The following NCKIPSD variants were observed in gnomAD, a reference collection of about 807,000 sequenced individuals.
NCKIPSD encodes NCK interacting protein with SH3 domain.
Under a neutral mutation model 73.4 loss-of-function variants are expected in NCKIPSD, and 48 were observed. That is an observed-to-expected ratio of 0.65 (90% CI 0.52 to 0.83). NCKIPSD has a LOEUF of 0.83. Among genes scored for constraint, NCKIPSD ranks in the 40% least tolerant of loss-of-function variants. NCKIPSD has a pLI of 0.00. For synonymous variants in NCKIPSD, 422 were observed against 403.6 expected (o/e 1.05, Z -0.54); for missense variants, 884 against 970.2 (o/e 0.91, Z 1.18).
chr3:48,683,503 G>A (rs901967932), intron 1 of NCKIPSD, among the ~76,000 whole-genome samples: 21 of 152,278 alleles, frequency 1.4e-4, no homozygotes, highest in African/African-American at 5.1e-4. Context: ...GTCCTTGTAA[G>A]GGCCCTCTGT....
rs1219406782 is a variant in NCKIPSD, at chr3:48,674,655, T to C, written c.2058A>G (p.Ile686Met). Residue 686 changes from isoleucine (I) to methionine (M), a missense_variant, in exon 13 of 13, where the codon ATA (isoleucine) becomes ATG (methionine). Ile to Met is a conservative substitution (Grantham distance 10). Transcript: ENST00000294129. The part of the protein sequence containing the change: ...HRHRLPDLQA[I>M]LRRILNEEET... ...CCTCCTCATTCAGGATGCGTCGCAG[T>C]ATGGCCTGCAGGTCGGGTAGCCGGT... 1 of 1,613,962 alleles carries C rather than the reference T, an allele frequency of 6.2e-7. No homozygotes were observed. The highest frequency in any genetic ancestry group is 1.1e-5 in the South Asian group (1 of 91,036).
chr3:48,682,020 A>C (rs34096717), intron 4 of NCKIPSD, 25 bp downstream of exon 4: 176,093 of 1,593,046 alleles, frequency 0.11, 10,171 homozygotes, highest in African/African-American at 0.19. Context: ...CCTCCACCTG[A>C]ATTCCCCTAA....
Position 48,674,352 on chromosome 3 carries a change from A to C in NCKIPSD, c.*192T>G. Reference sequence around the variant, plus strand: ...GCTTGCATATTCCCCCTGCCCCAGAACAGCTCCCAGACCATGGTCCCCAAT... The same window carrying C: ...GCTTGCATATTCCCCCTGCCCCAGACCAGCTCCCAGACCATGGTCCCCAAT... On this transcript the variant is annotated 3_prime_UTR_variant, in exon 13 of 13. Coordinates refer to ENST00000294129, the MANE Select transcript of NCKIPSD (RefSeq NM_016453.4). 1 of 1,432,680 alleles carries C rather than the reference A, an allele frequency of 7.0e-7. No homozygotes were observed. The highest frequency in any genetic ancestry group is 9.1e-7 in the Non-Finnish European group (1 of 1,096,628). 88.7% of individuals were successfully genotyped at this position (1,432,680 alleles called of 1,614,324 possible). A position where few individuals can be genotyped will look rare whatever the true frequency, so the allele number is the denominator to read the frequency against.
At position 48,674,410 on chromosome 3, in the gene NCKIPSD, C is replaced by G; in HGVS notation, c.*134G>C. On this transcript the variant is annotated 3_prime_UTR_variant, in exon 13 of 13. Coordinates refer to ENST00000294129, the MANE Select transcript of NCKIPSD (RefSeq NM_016453.4). The stretch of plus-strand genomic sequence containing the variant: ...TTGGCCCCTCTCTTAAGTTCTACTT[C>G]AGGTGGGGGTCCTGCTCAGGTTCCT... 1 of 1,464,748 alleles carries G rather than the reference C, an allele frequency of 6.8e-7. No homozygotes were observed. Among genetic ancestry groups the G allele is most frequent in the Non-Finnish European group, 9.0e-7 (1 of 1,109,112 alleles). 90.7% of individuals were successfully genotyped at this position (1,464,748 alleles called of 1,614,324 possible).
Position 48,678,976 on chromosome 3 carries a change from A to G in NCKIPSD, c.1700-7T>C, listed in dbSNP as rs1352671369. ...ATGACATTCTGGTCAGCAGCTAAGG[A>G]AGGACATGGGTATAGACAGGGTGCT... On this transcript the variant is annotated splice_region_variant and splice_polypyrimidine_tract_variant and intron_variant, in intron 10 of 12. Coordinates refer to ENST00000294129, the MANE Select transcript of NCKIPSD (RefSeq NM_016453.4). 6.2e-7 allele frequency: 1 copy of G among 1,614,086 alleles called. No individual in the cohort carries two copies. The highest frequency in any genetic ancestry group is 8.5e-7 in the Non-Finnish European group (1 of 1,180,024).
intron 1 of NCKIPSD, 33 bp downstream of exon 1, chr3:48,685,604 G>C (rs751076210): frequency 1.3e-6 from 2 of 1,505,952 alleles, no homozygotes; most frequent in Admixed American, 4.2e-5. Context: ...TGCCCCAGGG[G>C]CGCGGAGGCC....
Position 48,683,027 on chromosome 3 carries a change from G to A in NCKIPSD, c.172-15C>T. On this transcript the variant is annotated splice_polypyrimidine_tract_variant and intron_variant, in intron 1 of 12. Coordinates refer to ENST00000294129, the MANE Select transcript of NCKIPSD (RefSeq NM_016453.4). ...TGCTCCAGGCCCTGGGGGGGGCAGG[G>A]GACAGCAGTTAGACCTGAAGGCCAA... 1 of 1,549,010 alleles carries A rather than the reference G, an allele frequency of 6.5e-7. No homozygotes were observed. Among genetic ancestry groups the A allele is most frequent in the Non-Finnish European group, 8.7e-7 (1 of 1,146,918 alleles).
rs2077297321 is a variant in NCKIPSD, at chr3:48,678,742, A to G, written c.1793-6T>C. On this transcript the variant is annotated splice_region_variant and splice_polypyrimidine_tract_variant and intron_variant, in intron 11 of 12. Transcript: ENST00000294129. The stretch of plus-strand genomic sequence containing the variant: ...GAAGATGCGCACAGGGTCATCTAGG[A>G]GGCAGGGGTCATAGCGGTCAGGGTG... 1 of 1,612,876 alleles carries G rather than the reference A, an allele frequency of 6.2e-7. No individual in the cohort carries two copies. The highest frequency in any genetic ancestry group is 8.5e-7 in the Non-Finnish European group (1 of 1,179,388).
chr3:48,681,832 C>G (rs180770191), intron 4 of NCKIPSD, 52 bp from the exon 5 acceptor site: 20 of 1,457,998 alleles, frequency 1.4e-5, no homozygotes, highest in Non-Finnish European at 1.7e-5. Flanking sequence ...GAAAACCATA[C>G]CCTTCACAGC....
rs1301416988 is a variant in NCKIPSD at position 48,674,056 on chromosome 3, A to G, written c.*488T>C. On this transcript the variant is annotated 3_prime_UTR_variant, in exon 13 of 13. Coordinates refer to ENST00000294129, the MANE Select transcript of NCKIPSD (RefSeq NM_016453.4). ...CTTGGCCAAGGCCTCTGGGGGTAGG[A>G]GTGAAGGGCAGCGACCCCCATGTGC... The G allele has an allele frequency of 2.8e-6, 3 of 1,075,572 alleles. No homozygotes were observed. Among genetic ancestry groups the G allele is most frequent in the Non-Finnish European group, 3.4e-6 (3 of 884,924 alleles). 66.6% of individuals were successfully genotyped at this position (1,075,572 alleles called of 1,614,324 possible). A position where few individuals can be genotyped will look rare whatever the true frequency, so the allele number is the denominator to read the frequency against.
At chr3:48,675,291 G>T (rs1411865110) in intron 12 of NCKIPSD, among the ~76,000 whole-genome samples, 1 of 151,818 alleles carries the variant, frequency 6.6e-6, no homozygotes, top group Non-Finnish European at 1.5e-5. Flanking sequence ...CCTTTAGAAA[G>T]AGCACTGTTG....
In NCKIPSD at chr3:48,674,273, G is replaced by A. The variant is rs374409003; in HGVS notation, c.*271C>T. 7.6e-5 allele frequency: 101 copies of A among 1,336,728 alleles called. 1 individual carries two copies. The South Asian group carries it at 1.5e-3, about 19-fold the overall frequency. 82.8% of individuals were successfully genotyped at this position (1,336,728 alleles called of 1,614,324 possible). A position where few individuals can be genotyped will look rare whatever the true frequency, so the allele number is the denominator to read the frequency against. Reference sequence around the variant, plus strand: ...CTCTGAGTGTACACATGGGTGTGGGGTGAAGAGGGGGGCATGCTGAAGAGG... The same window carrying A: ...CTCTGAGTGTACACATGGGTGTGGGATGAAGAGGGGGGCATGCTGAAGAGG... On this transcript the variant is annotated 3_prime_UTR_variant, in exon 13 of 13. Transcript: ENST00000294129.
chr3:48,683,981 C>CAG lies in NCKIPSD; in HGVS notation c.172-970_172-969insCT, dbSNP rs776325570. 5.4e-3 allele frequency among the ~76,000 whole-genome samples: 643 copies of CAG among 119,254 alleles called. 5 individuals carry two copies. Among genetic ancestry groups the CAG allele is most frequent in the African/African-American group, 0.02 (581 of 28,754 alleles). 78.2% of individuals were successfully genotyped at this position (119,254 alleles called of 152,430 possible). ...ACAGGGGGATAGAAAGACATGAAGA[C>CAG]ACACACACACACACACACACACACA... On this transcript the variant is annotated intron_variant, in intron 1 of 12. Coordinates refer to ENST00000294129, the MANE Select transcript of NCKIPSD (RefSeq NM_016453.4).
intron 12 of NCKIPSD, among the ~76,000 whole-genome samples, chr3:48,675,540 T>C (rs2106742995): frequency 7.0e-6 from 1 of 142,058 alleles, no homozygotes; most frequent in South Asian, 2.2e-4. Flanking sequence ...TATATATATA[T>C]ATATATCATT....
At chr3:48,683,326 G>A (rs2077385665) in intron 1 of NCKIPSD, among the ~76,000 whole-genome samples, 1 of 152,142 alleles carries the variant, frequency 6.6e-6, no homozygotes, top group Non-Finnish European at 1.5e-5. Flanking sequence ...TAGCCCAGGG[G>A]CTCCCAGCTT....
chr3:48,678,965 AG>A lies in NCKIPSD; in HGVS notation c.1703del (p.Ala568ValfsTer10). The A allele has an allele frequency of 6.2e-7, 1 of 1,614,124 alleles. No individual in the cohort carries two copies. Among genetic ancestry groups the A allele is most frequent in the South Asian group, 1.1e-5 (1 of 91,078 alleles). On this transcript the variant is annotated frameshift_variant, in exon 11 of 13. Transcript: ENST00000294129. LOFTEE classifies it high-confidence loss of function. ...GGGCAGCCATGATGACATTCTGGTC[AG>A]CAGCTAAGGAAGGACATGGGTATAG... ...LLALNLHLPAADQNVIMAALS... is the reference protein window; with the variant it reads ...LLALNLHLPAXDQNVIMAALS...
rs138069597 is a variant in NCKIPSD at position 48,678,724 on chromosome 3, C to T, written c.1805G>A (p.Arg602His). Residue 602 changes from arginine to histidine, a missense_variant, in exon 12 of 13, where the codon CGC (arginine) becomes CAC (histidine). Coordinates refer to ENST00000294129, the MANE Select transcript of NCKIPSD (RefSeq NM_016453.4). ...TGGCTGTGGCTCATGTTTGAAGATG[C>T]GCACAGGGTCATCTAGGAGGCAGGG... ...LLLNRGDDPV[R>H]IFKHEPQPPH... 38 of 1,613,194 alleles carry T rather than the reference C, an allele frequency of 2.4e-5. No individual in the cohort carries two copies. Among genetic ancestry groups the T allele is most frequent in the Admixed American group, 3.3e-5 (2 of 59,916 alleles).
At position 48,674,554 on chromosome 3, in the gene NCKIPSD, G is replaced by A. The variant is rs2077223130; in HGVS notation, c.2159C>T (p.Ala720Val). The change falls in exon 13 of 13, where the codon GCT (alanine) becomes GTT (valine). Residue 720 changes from alanine to valine, a missense_variant. Ala to Val is a moderately conservative substitution (Grantham distance 64). Transcript: ENST00000294129. ...MCKEFLVLGE[A>V]PS is the part of the protein sequence containing the mutation. ...GAGGACAGCAAGGTGCTAGCTGGGA[G>A]CCTCCCCCAGCACCAGGAATTCCTT... The A allele has an allele frequency of 4.4e-6, 7 of 1,590,722 alleles. No homozygotes were observed. The highest frequency in any genetic ancestry group is 4.3e-6 in the Non-Finnish European group (5 of 1,167,732).
chr3:48,674,278 GA>G lies in NCKIPSD; in HGVS notation c.*265del. The G allele has an allele frequency of 7.4e-7, 1 of 1,343,734 alleles. No homozygotes were observed. The allele number at this position is 1,343,734 out of a possible 1,614,324, so 83.2% of individuals were successfully genotyped here. A position where few individuals can be genotyped will look rare whatever the true frequency, so the allele number is the denominator to read the frequency against. On this transcript the variant is annotated 3_prime_UTR_variant, in exon 13 of 13. Transcript: ENST00000294129. ...AGTGTACACATGGGTGTGGGGTGAA[GA>G]GGGGGGCATGCTGAAGAGGAAGCCT...
Sources: gnomAD v4.1 joint callset for allele counts (sites outside exome capture counted in the v4.1 genomes callset) on GRCh38, gnomAD v4.1.1 for gene constraint, MANE v1.5 for transcripts, NCBI Gene and HGNC (gene_info 2026-07-23, HGNC 2026-07-21) for gene names.